CEP70: variants seen among roughly 807,000 people sequenced by gnomAD.
CEP70 encodes centrosomal protein 70.
A neutral mutation model predicts 90.9 loss-of-function variants in CEP70; 70 were observed. The observed-to-expected ratio is 0.77, with a 90% CI of 0.64 to 0.94. CEP70 has a LOEUF of 0.94. Ranked by LOEUF, CEP70 falls within the 40% of genes least tolerant of loss-of-function variation. The pLI is 0.00. For synonymous variants in CEP70, 220 were observed against 228.3 expected, an observed-to-expected ratio of 0.96 and a Z score of 0.33; for missense variants, 648 against 669.0, an observed-to-expected ratio of 0.97 and a Z score of 0.35.
Position 138,571,362 on chromosome 3 carries a change from A to T in CEP70, c.70-6T>A, listed in dbSNP as rs1011121201. ...TCCCATTCTGCTTCTTCCTGCTACA[A>T]TTACAGAAAGAGAAGAAAGGGTTAA... On this transcript the variant is annotated splice_region_variant and splice_polypyrimidine_tract_variant and intron_variant, in intron 3 of 17. Coordinates refer to ENST00000264982, the MANE Select transcript of CEP70 (RefSeq NM_024491.4). 35 of 1,578,366 alleles carry T rather than the reference A, an allele frequency of 2.2e-5. No individual in the cohort carries two copies. Among genetic ancestry groups the T allele is most frequent in the Non-Finnish European group, 2.8e-5 (32 of 1,150,744 alleles).
At chr3:138,550,381 G>A (rs2039528663) in intron 6 of CEP70, among the ~76,000 whole-genome samples, 1 of 152,132 alleles carries the variant, frequency 6.6e-6, no homozygotes, top group African/African-American at 2.4e-5. Context: ...TGTTGTTTTT[G>A]AGACGGAGTT....
intron 6 of CEP70, among the ~76,000 whole-genome samples, chr3:138,541,518 C>A (rs1291732107): frequency 1.4e-4 from 21 of 151,590 alleles, no homozygotes; most frequent in Admixed American, 1.4e-3. Context: ...CCAGGACAAG[C>A]AAACACTTGA....
In CEP70 at chr3:138,498,054, G is replaced by C; in HGVS notation, c.1709C>G (p.Thr570Ser). The part of the protein sequence containing the change: ...EEFFPAFQAF[T>S]NDLLEILEID... ...ACCTAAGATTTCAAGTAGATCATTA[G>C]TAAATGCCTGAAATGCTGGGAAAAA... is the stretch of plus-strand genomic sequence containing the variant. Residue 570 changes from threonine to serine, a missense_variant, in exon 17 of 18, where the codon ACT becomes AGT. By Grantham distance (58) the Thr-to-Ser change is moderately conservative (BLOSUM62 1). Coordinates refer to ENST00000264982, the MANE Select transcript of CEP70 (RefSeq NM_024491.4). 1 of 1,613,094 alleles carries C rather than the reference G, an allele frequency of 6.2e-7. No individual in the cohort carries two copies. Among genetic ancestry groups the C allele is most frequent in the Non-Finnish European group, 8.5e-7 (1 of 1,179,578 alleles).
chr3:138,525,485 A>C lies in CEP70; in HGVS notation c.944+5T>G, dbSNP rs373446052. The C allele has an allele frequency of 2.1e-5, 28 of 1,317,764 alleles. No homozygotes were observed. Among genetic ancestry groups the C allele is most frequent in the Non-Finnish European group, 2.8e-5 (28 of 997,740 alleles). The allele number at this position is 1,317,764 out of a possible 1,614,324, so 81.6% of individuals were successfully genotyped here. ...AAGAGGCAATTTTGGTAAAAATATA[A>C]TTACTTGACGTTTTTCTTAAGGGCT... On this transcript the variant is annotated splice_donor_5th_base_variant and intron_variant, in intron 11 of 17. Transcript: ENST00000264982.
At chr3:138,512,488 A>ACTGT (rs1195229632) in intron 11 of CEP70, among the ~76,000 whole-genome samples, 2 of 152,130 alleles carry the variant, frequency 1.3e-5, no homozygotes, top group Non-Finnish European at 2.9e-5. Context: ...AGCTGCCTGG[A>ACTGT]CTGTACTCAG....
At chr3:138,549,379 T>C (rs2039455194) in intron 6 of CEP70, among the ~76,000 whole-genome samples, 1 of 151,776 alleles carries the variant, frequency 6.6e-6, no homozygotes, top group Non-Finnish European at 1.5e-5. Flanking sequence ...GTGGGCATGA[T>C]GGGAGTGAGA....
At chr3:138,540,237 G>A (rs2038641093) in intron 6 of CEP70, among the ~76,000 whole-genome samples, 1 of 152,078 alleles carries the variant, frequency 6.6e-6, no homozygotes, top group Non-Finnish European at 1.5e-5. Flanking sequence ...GCTCATGCCT[G>A]TAATCCCAAC....
rs1199948466 is a variant in CEP70 at position 138,494,849 on chromosome 3, CAAAGTT to C, written c.*160_*165del. 2.0e-6 allele frequency: 1 copy of C among 505,928 alleles called. No individual in the cohort carries two copies. Among genetic ancestry groups the C allele is most frequent in the African/African-American group, 2.0e-5 (1 of 50,306 alleles). 31.3% of individuals were successfully genotyped at this position (505,928 alleles called of 1,614,324 possible). A position where few individuals can be genotyped will look rare whatever the true frequency, so the allele number is the denominator to read the frequency against. ...GCAACTATTTTCTGTATAAGAATCT[CAAAGTT>C]AATAAAAATTATACAGATGAAGAAT... is the stretch of plus-strand genomic sequence containing the variant. On this transcript the variant is annotated 3_prime_UTR_variant, in exon 18 of 18. Coordinates refer to ENST00000264982, the MANE Select transcript of CEP70 (RefSeq NM_024491.4).
At chr3:138,563,630 A>G (rs905366881) in intron 6 of CEP70, among the ~76,000 whole-genome samples, 5 of 152,220 alleles carry the variant, frequency 3.3e-5, no homozygotes, top group Non-Finnish European at 7.3e-5. Context: ...GCAGAAATAA[A>G]GATGTTCTTT....
intron 11 of CEP70, among the ~76,000 whole-genome samples, chr3:138,525,020 T>C (rs1168705400): frequency 1.3e-5 from 2 of 152,056 alleles, no homozygotes; most frequent in Non-Finnish European, 2.9e-5. Flanking sequence ...AACCCAAATG[T>C]CCAACAATGA....
chr3:138,570,388 T>C lies in CEP70; in HGVS notation c.395A>G (p.Glu132Gly), dbSNP rs747311805. The change falls in exon 6 of 18, where the codon GAA becomes GGA. Residue 132 changes from glutamate to glycine, a missense_variant. Transcript: ENST00000264982. ...VKSKIGELED[E>G]SLSRACHQQN... ...TTGGTGGCAAGCCCTACTTAGTGAT[T>C]CATCCTCCAATTCACCAATTTTGGA... The C allele has an allele frequency of 5.6e-6, 9 of 1,608,498 alleles. No individual in the cohort carries two copies. Among genetic ancestry groups the C allele is most frequent in the Middle Eastern group, 1.6e-4 (1 of 6,072 alleles).
intron 6 of CEP70, among the ~76,000 whole-genome samples, chr3:138,551,694 C>T (rs558382234): frequency 1.5e-4 from 23 of 150,610 alleles, no homozygotes; most frequent in African/African-American, 4.1e-4. Flanking sequence ...TGCAGTGAGC[C>T]GATATCCCGC....
At chr3:138,533,557 G>A (rs1300880772) in intron 7 of CEP70, among the ~76,000 whole-genome samples, 1 of 152,044 alleles carries the variant, frequency 6.6e-6, no homozygotes. Flanking sequence ...AGTTGGAGAG[G>A]GGGCAGAATG....
intron 2 of CEP70, among the ~76,000 whole-genome samples, chr3:138,582,991 G>A (rs1202528040): frequency 6.6e-6 from 1 of 152,050 alleles, no homozygotes; most frequent in African/African-American, 2.4e-5. Flanking sequence ...AATGACAGTA[G>A]TAAGTCCCTA....
intron 6 of CEP70, among the ~76,000 whole-genome samples, chr3:138,556,139 G>A (rs1038802283): frequency 1.3e-5 from 2 of 152,166 alleles, no homozygotes; most frequent in Non-Finnish European, 2.9e-5. Context: ...CAGGATTGTA[G>A]ACTATTATTC....
At chr3:138,553,619 A>G (rs1372908543) in intron 6 of CEP70, among the ~76,000 whole-genome samples, 4 of 152,198 alleles carry the variant, frequency 2.6e-5, no homozygotes, top group Non-Finnish European at 5.9e-5. Context: ...ATCATTCTAT[A>G]AAGAAAGTAT....
At chr3:138,577,198 G>A (rs888643464) in intron 2 of CEP70, among the ~76,000 whole-genome samples, 14 of 152,238 alleles carry the variant, frequency 9.2e-5, no homozygotes, top group Admixed American at 9.2e-4. Context: ...CCTGTCGTGG[G>A]GTGGGGGGAT....
intron 13 of CEP70, among the ~76,000 whole-genome samples, chr3:138,502,943 G>A (rs1446329959): frequency 6.6e-6 from 1 of 152,150 alleles, no homozygotes; most frequent in Non-Finnish European, 1.5e-5. Context: ...ACCTTTCTTG[G>A]AAAGGCAGGA....
intron 7 of CEP70, among the ~76,000 whole-genome samples, chr3:138,535,887 T>C (rs2038222907): frequency 6.6e-6 from 1 of 152,156 alleles, no homozygotes; most frequent in South Asian, 2.1e-4. Flanking sequence ...GCCTCCCTTT[T>C]CTATTTATTC....
Sources: gnomAD v4.1 joint callset for allele counts (sites outside exome capture counted in the v4.1 genomes callset) on GRCh38, gnomAD v4.1.1 for gene constraint, MANE v1.5 for transcripts, NCBI Gene and HGNC (gene_info 2026-07-23, HGNC 2026-07-21) for gene names.